The following IKZF1 variants were observed in gnomAD, a reference collection of about 807,000 sequenced individuals.
The protein encoded by IKZF1 is IKAROS family zinc finger 1.
Under a neutral mutation model 51.7 loss-of-function variants are expected in IKZF1, and 10 were observed. That is an observed-to-expected ratio of 0.19 (90% CI 0.12 to 0.33). The LOEUF (loss-of-function observed/expected upper bound fraction) is 0.33. Ranked by LOEUF, IKZF1 falls within the 10% of genes least tolerant of loss-of-function variation. The pLI is 1.00. For missense variants in IKZF1, 484 were observed against 707.5 expected (o/e 0.68, Z 3.58); for synonymous variants, 280 against 282.3 (o/e 0.99, Z 0.08).
chr7:50,359,640 A>G (rs942960644), intron 3 of IKZF1, among the ~76,000 whole-genome samples: 1 of 152,278 alleles, frequency 6.6e-6, no homozygotes, highest in African/African-American at 2.4e-5. Context: ...TTGCACATGT[A>G]CATACACATG....
chr7:50,323,661 C>CG (rs1794041824), intron 2 of IKZF1, among the ~76,000 whole-genome samples: 1 of 152,064 alleles, frequency 6.6e-6, no homozygotes, highest in Admixed American at 6.6e-5. Flanking sequence ...TGTATTGCAT[C>CG]TTCTAAATTA....
chr7:50,314,182 C>T (rs1790899288), intron 1 of IKZF1, among the ~76,000 whole-genome samples: 1 of 152,190 alleles, frequency 6.6e-6, no homozygotes, highest in Non-Finnish European at 1.5e-5. Flanking sequence ...ACAATCTCAG[C>T]TCACTGCAAG....
chr7:50,321,914 A>G (rs1793460246), intron 2 of IKZF1, among the ~76,000 whole-genome samples: 1 of 152,086 alleles, frequency 6.6e-6, no homozygotes, highest in Non-Finnish European at 1.5e-5. Context: ...GAAAAAGGAA[A>G]CTCTGTTTTT....
intron 3 of IKZF1, among the ~76,000 whole-genome samples, chr7:50,354,008 TC>T (rs1584714433): frequency 6.6e-6 from 1 of 152,060 alleles, no homozygotes; most frequent in Non-Finnish European, 1.5e-5. Flanking sequence ...GAGGCAGAAT[TC>T]CCCCCATAGC....
chr7:50,311,813 C>A (rs1210677434), intron 1 of IKZF1, among the ~76,000 whole-genome samples: 1 of 152,040 alleles, frequency 6.6e-6, no homozygotes, highest in East Asian at 1.9e-4. Flanking sequence ...CTTTGTGACA[C>A]CATATGGCCT....
intron 3 of IKZF1, chr7:50,369,231 A>T: frequency 3.1e-6 from 1 of 323,482 alleles, no homozygotes; most frequent in Non-Finnish European, 5.6e-6. Context: ...TTGAAGAATC[A>T]TATTGTTGAA....
chr7:50,323,641 T>C (rs1168784619), intron 2 of IKZF1, among the ~76,000 whole-genome samples: 1 of 152,262 alleles, frequency 6.6e-6, no homozygotes, highest in Admixed American at 6.5e-5. Flanking sequence ...TTTTTCTAAA[T>C]AAGTGAAATT....
At chr7:50,303,782 T>C (rs1788112653), upstream of IKZF1, among the ~76,000 whole-genome samples, 1 of 151,108 alleles carries the variant, frequency 6.6e-6, no homozygotes, top group Admixed American at 6.6e-5. The surrounding 1 kb of genome is among the most constrained non-coding windows in gnomAD (Gnocchi z 4.7). Flanking sequence ...AGCGTGAGGG[T>C]GCCCCGACCG....
intron 1 of IKZF1, among the ~76,000 whole-genome samples, chr7:50,314,406 G>A (rs751048189): frequency 3.3e-5 from 5 of 152,304 alleles, no homozygotes; most frequent in East Asian, 1.9e-4. Context: ...CACCACGCCC[G>A]GCAACTACAA....
intron 3 of IKZF1, among the ~76,000 whole-genome samples, chr7:50,352,078 C>G (rs1801999740): frequency 2.0e-5 from 3 of 152,216 alleles, no homozygotes; most frequent in Admixed American, 6.5e-5. Flanking sequence ...ATTTCTGTTG[C>G]CTCCAATGCA....
chr7:50,308,678 G>A lies in IKZF1; in HGVS notation c.-15+3756G>A, dbSNP rs186224998. On this transcript the variant is annotated intron_variant, in intron 1 of 7. Coordinates refer to ENST00000331340, the MANE Select transcript of IKZF1 (RefSeq NM_006060.6). ...AGAAAACGGTCTTCCCTCCTTTTTTGCATATTTGGCAAGTGGTTCCACCTT... is the reference window on the plus strand; with the variant it reads ...AGAAAACGGTCTTCCCTCCTTTTTTACATATTTGGCAAGTGGTTCCACCTT... 3 of 152,018 alleles carry A rather than the reference G, an allele frequency of 2.0e-5. No individual in the cohort carries two copies. The East Asian group carries it at 5.8e-4, about 29-fold the overall frequency. The allele number at this position is 152,018 out of a possible 1,614,324, so 9.4% of individuals were successfully genotyped here. A position where few individuals can be genotyped will look rare whatever the true frequency, so the allele number is the denominator to read the frequency against.
intron 1 of IKZF1, among the ~76,000 whole-genome samples, chr7:50,313,352 C>T (rs1790657424): frequency 6.6e-6 from 1 of 152,120 alleles, no homozygotes; most frequent in African/African-American, 2.4e-5. Context: ...GGAAATAACC[C>T]CAAATGTAAC....
rs141746258 is a variant in IKZF1, at chr7:50,352,788, T to C, written c.161-23745T>C. 1.6e-3 allele frequency among the ~76,000 whole-genome samples: 248 copies of C among 152,382 alleles called. 3 individuals carry two copies. The highest frequency in any genetic ancestry group is 5.6e-3 in the African/African-American group (234 of 41,600). ...AAATACTAATGACATTTTTATCTAA[T>C]GTATAAATGTGTTTTTATTATTTAT... On this transcript the variant is annotated intron_variant, in intron 3 of 7. Coordinates refer to ENST00000331340, the MANE Select transcript of IKZF1 (RefSeq NM_006060.6).
chr7:50,317,031 T>A (rs1304490293), intron 1 of IKZF1, among the ~76,000 whole-genome samples: 1 of 152,178 alleles, frequency 6.6e-6, no homozygotes, highest in Non-Finnish European at 1.5e-5. Flanking sequence ...TGTAATCTGT[T>A]TAGTGTCCTC....
intron 4 of IKZF1, among the ~76,000 whole-genome samples, chr7:50,382,149 A>G (rs142564094): frequency 6.6e-6 from 1 of 152,356 alleles, no homozygotes; most frequent in African/African-American, 2.4e-5. Context: ...TCAGTGGCAT[A>G]TTTTAAAGAC....
rs1369515357 is a variant in IKZF1, at chr7:50,400,564, C to T, written c.1497C>T (p.Ser499=). ...PFECNMCGYH[S]QDRYEFSSHI... ...AGTGCAACATGTGCGGCTACCACAG[C>T]CAGGACCGGTACGAGTTCTCGTCGC... The change falls in exon 8 of 8, where the codon AGC becomes AGT. Residue 499 remains serine (S), a synonymous_variant. Transcript: ENST00000331340. This position sits in a 1 kb window ranked among gnomAD's most constrained non-coding sequence, Gnocchi z 5.4. The T allele has an allele frequency of 5.6e-6, 9 of 1,613,928 alleles. No individual in the cohort carries two copies. The South Asian group carries it at 8.8e-5, about 16-fold the overall frequency.
At chr7:50,362,123 A>G (rs1191043702) in intron 3 of IKZF1, among the ~76,000 whole-genome samples, 4 of 152,182 alleles carry the variant, frequency 2.6e-5, no homozygotes, top group Admixed American at 2.6e-4. Flanking sequence ...GTTTTTCCTA[A>G]TCTTCTGTCA....
At chr7:50,360,093 C>T (rs1284254011) in intron 3 of IKZF1, among the ~76,000 whole-genome samples, 3 of 152,246 alleles carry the variant, frequency 2.0e-5, no homozygotes, top group Middle Eastern at 3.4e-3. Flanking sequence ...CCCATCCCTC[C>T]TCCTCTGTGC....
chr7:50,309,593 T>C (rs1389906257), intron 1 of IKZF1, among the ~76,000 whole-genome samples: 1 of 152,178 alleles, frequency 6.6e-6, no homozygotes, highest in Non-Finnish European at 1.5e-5. Context: ...ATTTTTGAGA[T>C]CACACACTAA....
Sources: allele counts gnomAD v4.1 joint callset (sites outside exome capture counted in the v4.1 genomes callset), GRCh38; gene constraint gnomAD v4.1.1; non-coding constraint Gnocchi (gnomAD v3.1); transcripts MANE v1.5; gene names NCBI Gene and HGNC (gene_info 2026-07-23, HGNC 2026-07-21).